The following GNB4 variants were observed in gnomAD, a reference collection of about 807,000 sequenced individuals.
GNB4 encodes guanine nucleotide-binding protein subunit beta-4.
A neutral mutation model predicts 45.2 loss-of-function variants in GNB4; 28 were observed. The ratio of observed to expected loss-of-function variants is 0.62; its 90% CI spans 0.46 to 0.85. The LOEUF (loss-of-function observed/expected upper bound fraction) is 0.85, where lower values mean the gene tolerates loss of function less well. GNB4 is among the 40% of genes least tolerant of loss of function. GNB4 has a pLI of 0.00. For missense variants in GNB4, 321 were observed against 425.4 expected (o/e 0.75, Z 2.16); for synonymous variants, 132 against 143.7 (o/e 0.92, Z 0.58).
In GNB4 at chr3:179,426,183, C is replaced by T; in HGVS notation, c.18G>A (p.Gln6=). 1 of 1,600,912 alleles carries T rather than the reference C, an allele frequency of 6.2e-7. No homozygotes were observed. The change falls in exon 2 of 10, where the codon CAG becomes CAA. Residue 6 remains glutamine (Q), a synonymous_variant. Transcript: ENST00000232564. MSELE[Q]LRQEAEQLRN... is the part of the protein sequence containing the mutation. ...GCAGTTGTTCTGCTTCTTGCCTCAA[C>T]TGTTCCAGTTCGCTCATTTTTTCAA...
rs1714199649 is a variant in GNB4 at position 179,398,864 on chromosome 3, T to C, written c.*2349A>G. The C allele has an allele frequency of 6.6e-6, 1 of 152,176 alleles. No individual in the cohort carries two copies. Among genetic ancestry groups the C allele is most frequent in the African/African-American group, 2.4e-5 (1 of 41,440 alleles). 9.4% of individuals were successfully genotyped at this position (152,176 alleles called of 1,614,324 possible). A position where few individuals can be genotyped will look rare whatever the true frequency, so the allele number is the denominator to read the frequency against. ...ATAGTTTTTAGTTGCCGAGTAAATA[T>C]TTAATTATGGGAATTGCTTTAAACT... On this transcript the variant is annotated 3_prime_UTR_variant, in exon 10 of 10. Coordinates refer to ENST00000232564, the MANE Select transcript of GNB4 (RefSeq NM_021629.4).
the GNB4 span, among the ~76,000 whole-genome samples, chr3:179,460,925 G>A: frequency 6.6e-6 from 1 of 152,128 alleles, no homozygotes; most frequent in Non-Finnish European, 1.5e-5. Flanking sequence ...ATTATGGCAG[G>A]AAATACAGAT....
At chr3:179,442,679 T>G (rs1715623369) in intron 1 of GNB4, among the ~76,000 whole-genome samples, 1 of 152,028 alleles carries the variant, frequency 6.6e-6, no homozygotes, top group Admixed American at 6.6e-5. Flanking sequence ...TAAAGCACAG[T>G]GGCACTGCCA....
chr3:179,449,235 A>AT lies in GNB4; in HGVS notation c.-43+2110dup, dbSNP rs541913300. Reference sequence around the variant, plus strand: ...AAAATGGAGTTACTGTTTTATCAAGATAATTAAGCCATCACTACCTATTAA... The same window carrying AT: ...AAAATGGAGTTACTGTTTTATCAAGATTAATTAAGCCATCACTACCTATTAA... On this transcript the variant is annotated intron_variant, in intron 1 of 9. Transcript: ENST00000232564. Among the ~76,000 whole-genome samples the AT allele has an allele frequency of 4.0e-3, 606 of 152,334 alleles. 3 individuals are homozygous for AT. Among genetic ancestry groups the AT allele is most frequent in the African/African-American group, 0.014 (564 of 41,568 alleles).
At chr3:179,477,653 C>T in the GNB4 span, among the ~76,000 whole-genome samples, 1 of 152,150 alleles carries the variant, frequency 6.6e-6, no homozygotes, top group Admixed American at 6.5e-5. Context: ...GGGAGGGTCA[C>T]TTAAGGCCAG....
chr3:179,427,373 G>C (rs1577034551), intron 1 of GNB4, among the ~76,000 whole-genome samples: 1 of 152,096 alleles, frequency 6.6e-6, no homozygotes, highest in African/African-American at 2.4e-5. Flanking sequence ...GGGAGGCTGA[G>C]GTGGGTGCAT....
chr3:179,466,164 C>G, the GNB4 span, among the ~76,000 whole-genome samples: 1 of 152,186 alleles, frequency 6.6e-6, no homozygotes, highest in Non-Finnish European at 1.5e-5. Flanking sequence ...GTGCATGCCA[C>G]CATGCCTGGC....
the GNB4 span, among the ~76,000 whole-genome samples, chr3:179,460,921 G>T: frequency 6.6e-6 from 1 of 152,146 alleles, no homozygotes; most frequent in Non-Finnish European, 1.5e-5. Context: ...AGACATTATG[G>T]CAGGAAATAC....
the GNB4 span, among the ~76,000 whole-genome samples, chr3:179,470,357 T>C: frequency 2.2e-4 from 33 of 152,050 alleles, no homozygotes; most frequent in African/African-American, 7.7e-4. Flanking sequence ...CCAGTATAGA[T>C]GGCAAGATGT....
rs2108579954 is a variant in GNB4, at chr3:179,405,339, C to T, written c.767G>A (p.Arg256His). 3.1e-6 allele frequency: 5 copies of T among 1,613,862 alleles called. No homozygotes were observed. Among genetic ancestry groups the T allele is most frequent in the Non-Finnish European group, 3.4e-6 (4 of 1,179,838 alleles). Residue 256 changes from arginine (R) to histidine (H), a missense_variant, in exon 9 of 10, where the codon CGT (arginine) becomes CAT (histidine). Arg to His is a conservative substitution (Grantham distance 29, BLOSUM62 0). Coordinates refer to ENST00000232564, the MANE Select transcript of GNB4 (RefSeq NM_021629.4). ...ATACAATAATAACTCTTGATCTGCA[C>T]GAAGGTCAAAGAGCCGGCAAGTGGC... is the stretch of plus-strand genomic sequence containing the variant. ...DDATCRLFDL[R>H]ADQELLLYSH... is the part of the protein sequence containing the mutation.
intron 1 of GNB4, among the ~76,000 whole-genome samples, chr3:179,435,470 CAA>C (rs11389978): frequency 3.3e-4 from 32 of 96,028 alleles, no homozygotes; most frequent in Admixed American, 3.2e-3. Context: ...CTTTCTTTTA[CAA>C]AAAAAAAAAA....
chr3:179,446,221 T>C (rs1315570474), intron 1 of GNB4, among the ~76,000 whole-genome samples: 1 of 152,212 alleles, frequency 6.6e-6, no homozygotes, highest in Non-Finnish European at 1.5e-5. Context: ...AAGGTGGTAG[T>C]GAAGCATGAA....
chr3:179,475,638 A>G, the GNB4 span, among the ~76,000 whole-genome samples: 16 of 149,810 alleles, frequency 1.1e-4, no homozygotes, highest in Non-Finnish European at 1.0e-4. Flanking sequence ...ACACCCGGCT[A>G]ATTTTTTGTA....
rs2108574547 is a variant in GNB4 at position 179,400,810 on chromosome 3, C to T, written c.*403G>A. On this transcript the variant is annotated 3_prime_UTR_variant, in exon 10 of 10. Coordinates refer to ENST00000232564, the MANE Select transcript of GNB4 (RefSeq NM_021629.4). Reference sequence around the variant, plus strand: ...AGTATCATTTCTGTCTGTTTCTGTGCCTGGTTCTTCCATTACAAAACTCAA... The same window carrying T: ...AGTATCATTTCTGTCTGTTTCTGTGTCTGGTTCTTCCATTACAAAACTCAA... 1 of 154,156 alleles carries T rather than the reference C, an allele frequency of 6.5e-6. No individual in the cohort carries two copies. Among genetic ancestry groups the T allele is most frequent in the Non-Finnish European group, 1.4e-5 (1 of 69,394 alleles). 9.5% of individuals were successfully genotyped at this position (154,156 alleles called of 1,614,324 possible). A position where few individuals can be genotyped will look rare whatever the true frequency, so the allele number is the denominator to read the frequency against.
upstream of GNB4, among the ~76,000 whole-genome samples, chr3:179,453,178 A>T (rs1715927028): frequency 6.6e-6 from 1 of 152,130 alleles, no homozygotes; most frequent in South Asian, 2.1e-4. Context: ...GTCACTGTGC[A>T]GTGATGTGAT....
At chr3:179,498,744 G>GCTTGT in the GNB4 span, among the ~76,000 whole-genome samples, 20 of 80,294 alleles carry the variant, frequency 2.5e-4, no homozygotes, top group East Asian at 1.4e-3. Flanking sequence ...GTTGGTTGAG[G>GCTTGT]TTTGGTTTTT....
the GNB4 span, among the ~76,000 whole-genome samples, chr3:179,460,035 G>A: frequency 6.6e-6 from 1 of 152,178 alleles, no homozygotes; most frequent in Non-Finnish European, 1.5e-5. Context: ...TGTTCTTCCT[G>A]TTTTGCTTCA....
intron 2 of GNB4, among the ~76,000 whole-genome samples, chr3:179,421,596 C>T (rs186383755): frequency 2.6e-5 from 4 of 152,272 alleles, no homozygotes; most frequent in Non-Finnish European, 5.9e-5. Flanking sequence ...TAAGTACTTG[C>T]ATAGTCCTGG....
chr3:179,509,099 C>A, the GNB4 span, among the ~76,000 whole-genome samples: 2 of 150,940 alleles, frequency 1.3e-5, no homozygotes, highest in Non-Finnish European at 2.9e-5. Context: ...CTTTAAATAT[C>A]ATTTCCCACT....
Sources: gnomAD v4.1 joint callset for allele counts (sites outside exome capture counted in the v4.1 genomes callset) on GRCh38, gnomAD v4.1.1 for gene constraint, MANE v1.5 for transcripts, NCBI Gene and HGNC (gene_info 2026-07-23, HGNC 2026-07-21) for gene names.